Variants in CNNM2 observed in about 807,000 individuals in gnomAD.
CNNM2 encodes metal transporter CNNM2.
A neutral mutation model predicts 66.9 loss-of-function variants in CNNM2; 12 were observed. That is an observed-to-expected ratio of 0.18 (90% confidence interval 0.11 to 0.29). The LOEUF (loss-of-function observed/expected upper bound fraction) is 0.29. Ranked by LOEUF, CNNM2 falls within the 10% of genes least tolerant of loss-of-function variation. CNNM2 has a pLI of 1.00. For synonymous variants in CNNM2, 557 were observed against 501.8 expected (o/e 1.11, Z -1.47); for missense variants, 705 against 1,167.7 (o/e 0.60, Z 5.77).
chr10:102,924,437 T>A (rs1010905229), intron 1 of CNNM2, among the ~76,000 whole-genome samples: 1 of 152,206 alleles, frequency 6.6e-6, no homozygotes, highest in Admixed American at 6.5e-5. Context: ...TAGTAACAGG[T>A]GGGATCACCA....
Position 103,077,224 on chromosome 10 carries a change from C to G in CNNM2, c.*44C>G, listed in dbSNP as rs940865374. The G allele has an allele frequency of 6.4e-7, 1 of 1,567,824 alleles. No individual in the cohort carries two copies. The highest frequency in any genetic ancestry group is 1.1e-5 in the South Asian group (1 of 89,590). On this transcript the variant is annotated 3_prime_UTR_variant, in exon 8 of 8. Coordinates refer to ENST00000369878, the MANE Select transcript of CNNM2 (RefSeq NM_017649.5). ...GCCCAGGCCCGCACCCGCCCAGTCC[C>G]GAGGGCCCGGCCCTGTCTGCCCATG...
At position 103,050,140 on chromosome 10, in the gene CNNM2, T is replaced by C. The variant is rs140818615; in HGVS notation, c.1765+290T>C. Among the ~76,000 whole-genome samples, 109 of 152,348 alleles carry C rather than the reference T, an allele frequency of 7.2e-4. 1 individual carries two copies. The highest frequency in any genetic ancestry group is 2.5e-3 in the African/African-American group (106 of 41,584). ...TTGGTTTTAAATTTTATTTTACATA[T>C]GTAAAAAAATCTCTACTAAAATTTC... On this transcript the variant is annotated intron_variant, in intron 2 of 7. Transcript: ENST00000369878.
chr10:102,918,361 A>G lies in CNNM2; in HGVS notation c.-120A>G. On this transcript the variant is annotated 5_prime_UTR_variant, in exon 1 of 8. Transcript: ENST00000369878. The surrounding 1 kb of genome is among the most constrained non-coding windows in gnomAD (Gnocchi z 4.1). Reference sequence around the variant, plus strand: ...GGCTGAGGTGGAGTCAGTGTCAGTCAGGGAGGCGAACTGCTGAGCACTGGC... The same window carrying G: ...GGCTGAGGTGGAGTCAGTGTCAGTCGGGGAGGCGAACTGCTGAGCACTGGC... 8 of 1,474,552 alleles carry G rather than the reference A, an allele frequency of 5.4e-6. No homozygotes were observed. The South Asian group carries it at 7.6e-5, about 14-fold the overall frequency. The allele number at this position is 1,474,552 out of a possible 1,614,324, so 91.3% of individuals were successfully genotyped here.
intron 1 of CNNM2, among the ~76,000 whole-genome samples, chr10:103,003,116 C>CTTT (rs34041397): frequency 8.4e-5 from 12 of 142,024 alleles, no homozygotes; most frequent in African/African-American, 1.8e-4. Context: ...ATGTGTGAAT[C>CTTT]TTTTTTTTTT....
intron 1 of CNNM2, among the ~76,000 whole-genome samples, chr10:102,922,029 C>T (rs189361298): frequency 3.9e-5 from 6 of 152,176 alleles, no homozygotes; most frequent in Non-Finnish European, 7.4e-5. Context: ...TCAGAATTAC[C>T]ACTCAGTATT....
At position 102,956,083 on chromosome 10, in the gene CNNM2, C is replaced by T. The variant is rs867415484; in HGVS notation, c.1621+35982C>T. The stretch of plus-strand genomic sequence containing the variant: ...CGGGCGGATCACCAGGTCAGGAGAT[C>T]GAGACCATCCTGGCTAACACGGTGA... On this transcript the variant is annotated intron_variant, in intron 1 of 7. Transcript: ENST00000369878. 7.8e-4 allele frequency among the ~76,000 whole-genome samples: 118 copies of T among 152,068 alleles called. No individual in the cohort carries two copies. The Middle Eastern group carries it at 0.01, about 13-fold the overall frequency.
chr10:103,046,306 A>G (rs2065126056), intron 1 of CNNM2, among the ~76,000 whole-genome samples: 1 of 152,208 alleles, frequency 6.6e-6, no homozygotes, highest in Non-Finnish European at 1.5e-5. Flanking sequence ...TCCTGGTCTC[A>G]AGCAATCCAT....
intron 1 of CNNM2, among the ~76,000 whole-genome samples, chr10:102,956,485 A>T (rs2134198021): frequency 6.6e-6 from 1 of 152,190 alleles, no homozygotes; most frequent in East Asian, 1.9e-4. Flanking sequence ...TACCCAAAGG[A>T]TTATAAATCA....
intron 1 of CNNM2, among the ~76,000 whole-genome samples, chr10:103,043,368 G>A (rs2065075378): frequency 1.3e-5 from 2 of 152,214 alleles, no homozygotes; most frequent in South Asian, 4.1e-4. Flanking sequence ...TGTCTGCCTA[G>A]TCCCATTTCA....
chr10:103,043,303 C>T (rs560460781), intron 1 of CNNM2, among the ~76,000 whole-genome samples: 18 of 152,306 alleles, frequency 1.2e-4, no homozygotes, highest in African/African-American at 4.1e-4. Context: ...ACAGCTATAT[C>T]ACGTTGTTCC....
intron 1 of CNNM2, among the ~76,000 whole-genome samples, chr10:102,970,910 G>T (rs974854149): frequency 6.6e-6 from 1 of 151,992 alleles, no homozygotes; most frequent in African/African-American, 2.4e-5. Flanking sequence ...AGTCTCTGGG[G>T]CTTGGTGTGG....
At chr10:103,056,101 A>AT (rs2065291317) in intron 3 of CNNM2, among the ~76,000 whole-genome samples, 1 of 149,742 alleles carries the variant, frequency 6.7e-6, no homozygotes, top group African/African-American at 2.4e-5. Context: ...AAAAAAAAAA[A>AT]TTTAAATTAA....
At chr10:102,924,680 G>T (rs1845786906) in intron 1 of CNNM2, among the ~76,000 whole-genome samples, 2 of 151,316 alleles carry the variant, frequency 1.3e-5, no homozygotes, top group Non-Finnish European at 2.9e-5. Context: ...TGTTGCCCAG[G>T]CCTGGTCTTG....
chr10:103,052,259 G>A (rs1164806642), intron 2 of CNNM2, among the ~76,000 whole-genome samples: 2 of 142,570 alleles, frequency 1.4e-5, no homozygotes, highest in South Asian at 2.2e-4. Flanking sequence ...CCAGCCTGGC[G>A]ACAGAGTGAG....
rs1054617498 is a variant in CNNM2, at chr10:103,083,324, G to T, written c.*6144G>T. On this transcript the variant is annotated 3_prime_UTR_variant, in exon 8 of 8. Transcript: ENST00000369878. ...TTGTACCAATTTATTTGTAAATTTT[G>T]TGATTGTTTTACAAGGTTTTTGTTT... 6.6e-6 allele frequency: 1 copy of T among 152,190 alleles called. No individual in the cohort carries two copies. Among genetic ancestry groups the T allele is most frequent in the African/African-American group, 2.4e-5 (1 of 41,448 alleles). 9.4% of individuals were successfully genotyped at this position (152,190 alleles called of 1,614,324 possible).
intron 1 of CNNM2, among the ~76,000 whole-genome samples, chr10:103,019,679 T>G (rs2064532162): frequency 6.6e-6 from 1 of 152,122 alleles, no homozygotes; most frequent in Non-Finnish European, 1.5e-5. Context: ...AGGAATAGTT[T>G]TACCAGGAGC....
At chr10:102,996,014 T>G (rs2063993826) in intron 1 of CNNM2, among the ~76,000 whole-genome samples, 1 of 152,166 alleles carries the variant, frequency 6.6e-6, no homozygotes, top group Admixed American at 6.5e-5. Context: ...AGTTTGGAGT[T>G]TTTAAGGAAT....
At chr10:102,967,108 C>T (rs889742005) in intron 1 of CNNM2, among the ~76,000 whole-genome samples, 5 of 152,088 alleles carry the variant, frequency 3.3e-5, no homozygotes, top group South Asian at 4.1e-4. Flanking sequence ...CAACATACTT[C>T]GCTACGTTTT....
chr10:102,942,139 G>A (rs1749388930), intron 1 of CNNM2, among the ~76,000 whole-genome samples: 1 of 152,156 alleles, frequency 6.6e-6, no homozygotes, highest in Admixed American at 6.6e-5. Context: ...ACACAGAGGT[G>A]CTCATTTAAA....
Sources: gnomAD v4.1 joint callset for allele counts (sites outside exome capture counted in the v4.1 genomes callset) on GRCh38, gnomAD v4.1.1 for gene constraint, Gnocchi (gnomAD v3.1) non-coding constraint, MANE v1.5 for transcripts, NCBI Gene and HGNC (gene_info 2026-07-23, HGNC 2026-07-21) for gene names.